Variants in CRLF3 observed in about 807,000 individuals in gnomAD.
The protein encoded by CRLF3 is cytokine receptor-like factor 3.
A neutral mutation model predicts 55.0 loss-of-function variants in CRLF3; 33 were observed. The ratio of observed to expected loss-of-function variants is 0.60; its 90% CI spans 0.46 to 0.80. CRLF3 has a LOEUF of 0.80. CRLF3 is among the 30% of genes least tolerant of loss of function. The probability of loss-of-function intolerance (pLI) is 0.00; values close to 1 mark genes in which losing one functional copy is unlikely to be tolerated. For missense variants in CRLF3, 494 were observed against 538.4 expected, an observed-to-expected ratio of 0.92 and a Z score of 0.82; for synonymous variants, 238 against 196.8, an observed-to-expected ratio of 1.21 and a Z score of -1.75.
intron 5 of CRLF3, 30 bp downstream of exon 5, chr17:30,793,420 G>C: frequency 6.5e-7 from 1 of 1,546,232 alleles, no homozygotes; most frequent in Non-Finnish European, 8.9e-7. Context: ...ATATAGTTAG[G>C]CTTCAGGAGA....
chr17:30,783,934 T>C lies in CRLF3; in HGVS notation c.*253A>G. 4.8e-6 allele frequency: 2 copies of C among 413,466 alleles called. No homozygotes were observed. Among genetic ancestry groups the C allele is most frequent in the Non-Finnish European group, 4.3e-6 (1 of 230,388 alleles). 25.6% of individuals were successfully genotyped at this position (413,466 alleles called of 1,614,324 possible). A position where few individuals can be genotyped will look rare whatever the true frequency, so the allele number is the denominator to read the frequency against. On this transcript the variant is annotated 3_prime_UTR_variant, in exon 8 of 8. Transcript: ENST00000324238. ...AGAACTTCCTATATCTTCTATACTT[T>C]TAATGCCAATTTGATTTTTATTGTG...
At chr17:30,810,297 T>C (rs1031184028) in intron 1 of CRLF3, among the ~76,000 whole-genome samples, 9 of 152,206 alleles carry the variant, frequency 5.9e-5, no homozygotes, top group Non-Finnish European at 1.2e-4. Flanking sequence ...CATTGGCTCA[T>C]GCCTGTAATC....
At position 30,783,026 on chromosome 17, in the gene CRLF3, A is replaced by T. The variant is rs1157868433; in HGVS notation, c.*1161T>A. The T allele has an allele frequency of 3.9e-5, 6 of 152,164 alleles. No individual in the cohort carries two copies. The highest frequency in any genetic ancestry group is 1.4e-4 in the African/African-American group (6 of 41,434). The allele number at this position is 152,164 out of a possible 1,614,324, so 9.4% of individuals were successfully genotyped here. On this transcript the variant is annotated 3_prime_UTR_variant, in exon 8 of 8. Transcript: ENST00000324238. Reference sequence around the variant, plus strand: ...ACACACAAATTTAAGTAAGTTTTTAAAAAAAATAAGTATTTACGCTATATT... The same window carrying T: ...ACACACAAATTTAAGTAAGTTTTTATAAAAAATAAGTATTTACGCTATATT...
At chr17:30,792,650 A>G (rs1971830704) in intron 5 of CRLF3, 78 bp from the exon 6 acceptor site, 2 of 1,352,604 alleles carry the variant, frequency 1.5e-6, no homozygotes, top group South Asian at 1.4e-5. Context: ...TAAATAAAAC[A>G]TGGAAATGGG....
At position 30,821,339 on chromosome 17, in the gene CRLF3, CAA is replaced by C. The variant is rs112600272; in HGVS notation, c.129+3182_129+3183del. Among the ~76,000 whole-genome samples, 80 of 116,186 alleles carry C rather than the reference CAA, an allele frequency of 6.9e-4. 1 individual carries two copies. Among genetic ancestry groups the C allele is most frequent in the African/African-American group, 1.2e-3 (41 of 34,920 alleles). The allele number at this position is 116,186 out of a possible 152,430, so 76.2% of individuals were successfully genotyped here. A position where few individuals can be genotyped will look rare whatever the true frequency, so the allele number is the denominator to read the frequency against. On this transcript the variant is annotated intron_variant, in intron 1 of 7. Coordinates refer to ENST00000324238, the MANE Select transcript of CRLF3 (RefSeq NM_015986.4). Reference sequence around the variant, plus strand: ...TGGGTGACAGAGTGAGGTCCTTTCTCAAAAAAAAAAAAAAAGAAAAAAGGAAA... The same window carrying C: ...TGGGTGACAGAGTGAGGTCCTTTCTCAAAAAAAAAAAAAGAAAAAAGGAAA...
intron 6 of CRLF3, among the ~76,000 whole-genome samples, chr17:30,791,685 T>A (rs918979038): frequency 1.3e-4 from 19 of 149,050 alleles, no homozygotes; most frequent in Admixed American, 1.2e-3. Flanking sequence ...GTCCGGCTAA[T>A]TTTTTTATTT....
At chr17:30,805,808 A>T (rs1414077683) in intron 1 of CRLF3, among the ~76,000 whole-genome samples, 2 of 151,912 alleles carry the variant, frequency 1.3e-5, no homozygotes, top group African/African-American at 4.8e-5. Flanking sequence ...GGATCACTTG[A>T]GCCCAAGAGT....
At chr17:30,786,086 T>C in intron 6 of CRLF3, 55 bp from the exon 7 acceptor site, 1 of 947,174 alleles carries the variant, frequency 1.1e-6, no homozygotes, top group Non-Finnish European at 1.7e-6. Context: ...ACATGAATGA[T>C]ACTTAACAGC....
intron 2 of CRLF3, among the ~76,000 whole-genome samples, chr17:30,802,514 T>A (rs118007960): frequency 6.6e-6 from 1 of 152,140 alleles, no homozygotes. Context: ...CACTGCAGTG[T>A]CAATCTCCTG....
At chr17:30,794,051 C>G (rs1342067748) in intron 4 of CRLF3, among the ~76,000 whole-genome samples, 2 of 151,982 alleles carry the variant, frequency 1.3e-5, no homozygotes, top group Admixed American at 6.6e-5. Flanking sequence ...TATCTCAGAT[C>G]TTTAACTCCT....
intron 2 of CRLF3, among the ~76,000 whole-genome samples, chr17:30,801,937 T>G (rs1972012298): frequency 1.3e-5 from 2 of 151,770 alleles, no homozygotes; most frequent in African/African-American, 4.8e-5. Flanking sequence ...CCTCCTCTTT[T>G]TCCTATGTCT....
intron 5 of CRLF3, 77 bp from the exon 6 acceptor site, chr17:30,792,649 C>T: frequency 7.4e-7 from 1 of 1,359,324 alleles, no homozygotes; most frequent in Non-Finnish European, 1.0e-6. Context: ...TTAAATAAAA[C>T]ATGGAAATGG....
rs1397906804 is a variant in CRLF3 at position 30,783,935 on chromosome 17, T to C, written c.*252A>G. The C allele has an allele frequency of 4.8e-6, 2 of 416,568 alleles. No homozygotes were observed. The highest frequency in any genetic ancestry group is 3.5e-5 in the South Asian group (1 of 28,332). 25.8% of individuals were successfully genotyped at this position (416,568 alleles called of 1,614,324 possible). On this transcript the variant is annotated 3_prime_UTR_variant, in exon 8 of 8. Transcript: ENST00000324238. ...GAACTTCCTATATCTTCTATACTTT[T>C]AATGCCAATTTGATTTTTATTGTGA...
At chr17:30,816,390 C>A (rs914445795) in intron 1 of CRLF3, among the ~76,000 whole-genome samples, 1 of 151,264 alleles carries the variant, frequency 6.6e-6, no homozygotes, top group Non-Finnish European at 1.5e-5. Flanking sequence ...TCAAGCATCA[C>A]ATAATGATGT....
At position 30,811,610 on chromosome 17, in the gene CRLF3, T is replaced by C. The variant is rs185024849; in HGVS notation, c.130-7502A>G. 3.5e-3 allele frequency among the ~76,000 whole-genome samples: 538 copies of C among 151,560 alleles called. 6 individuals are homozygous for C. Among genetic ancestry groups the C allele is most frequent in the African/African-American group, 0.011 (468 of 41,274 alleles). On this transcript the variant is annotated intron_variant, in intron 1 of 7. Coordinates refer to ENST00000324238, the MANE Select transcript of CRLF3 (RefSeq NM_015986.4). ...CGGAGTCAGGAGTTCAAGACCAGCC[T>C]GGCCAACATGGTGAAACCCCGTCTC...
At chr17:30,795,966 AT>A (rs1436778629) in intron 4 of CRLF3, among the ~76,000 whole-genome samples, 193 bp downstream of exon 4, 9 of 152,204 alleles carry the variant, frequency 5.9e-5, no homozygotes, top group African/African-American at 2.2e-4. Flanking sequence ...CAAAAAATAA[AT>A]AAATAAAATA....
intron 3 of CRLF3, among the ~76,000 whole-genome samples, chr17:30,796,655 T>C (rs1971922510): frequency 6.6e-6 from 1 of 152,036 alleles, no homozygotes; most frequent in Non-Finnish European, 1.5e-5. Flanking sequence ...AAAAAATGTG[T>C]AGTAATACTA....
intron 6 of CRLF3, among the ~76,000 whole-genome samples, chr17:30,790,046 ATTC>A (rs1971754950): frequency 6.6e-6 from 1 of 151,198 alleles, no homozygotes; most frequent in Non-Finnish European, 1.5e-5. Context: ...TTACTGAGTC[ATTC>A]TTCATTAAGG....
At position 30,783,364 on chromosome 17, in the gene CRLF3, C is replaced by T. The variant is rs1247184122; in HGVS notation, c.*823G>A. The T allele has an allele frequency of 6.6e-6, 1 of 152,206 alleles. No homozygotes were observed. The highest frequency in any genetic ancestry group is 1.5e-5 in the Non-Finnish European group (1 of 68,060). 9.4% of individuals were successfully genotyped at this position (152,206 alleles called of 1,614,324 possible). A position where few individuals can be genotyped will look rare whatever the true frequency, so the allele number is the denominator to read the frequency against. On this transcript the variant is annotated 3_prime_UTR_variant, in exon 8 of 8. Coordinates refer to ENST00000324238, the MANE Select transcript of CRLF3 (RefSeq NM_015986.4). ...CACTGCAGTGGCTCACACCTGTAAT[C>T]CTAGCACTTTGGAAGGCTGAGGTGG...
Sources: allele counts gnomAD v4.1 joint callset (sites outside exome capture counted in the v4.1 genomes callset), GRCh38; gene constraint gnomAD v4.1.1; transcripts MANE v1.5; gene names NCBI Gene and HGNC (gene_info 2026-07-23, HGNC 2026-07-21).